RNF170: variants seen among roughly 807,000 people sequenced by gnomAD.
RNF170 encodes E3 ubiquitin-protein ligase RNF170.
RNF170 carries 12 observed loss-of-function variants against 32.7 expected under a neutral mutation model. The observed-to-expected ratio is 0.37, with a 90% confidence interval of 0.24 to 0.60. The LOEUF (loss-of-function observed/expected upper bound fraction) is 0.60. Ranked by LOEUF, RNF170 falls within the 20% of genes least tolerant of loss-of-function variation. The probability of loss-of-function intolerance (pLI) is 0.72; values close to 1 mark genes in which losing one functional copy is unlikely to be tolerated. For synonymous variants in RNF170, 91 were observed against 103.6 expected, an observed-to-expected ratio of 0.88 and a Z score of 0.74; for missense variants, 212 against 311.2, an observed-to-expected ratio of 0.68 and a Z score of 2.40.
rs567558026 is a variant in RNF170 at position 42,889,377 on chromosome 8, T to G, written c.-7-1506A>C. 13 of 152,204 alleles carry G rather than the reference T, an allele frequency of 8.5e-5. 1 individual carries two copies. In the South Asian group the frequency reaches 2.7e-3, roughly 32 times the overall value. The allele number at this position is 152,204 out of a possible 1,614,324, so 9.4% of individuals were successfully genotyped here. A position where few individuals can be genotyped will look rare whatever the true frequency, so the allele number is the denominator to read the frequency against. ...ATATCACAGGTAATTCACATTTTTT[T>G]CAGACAAAACAGGAAGTGTCAAAGT... On this transcript the variant is annotated intron_variant, in intron 1 of 6. Transcript: ENST00000527424.
At chr8:42,887,895 A>C in intron 1 of RNF170, 24 bp from the exon 2 acceptor site, 1 of 1,602,930 alleles carries the variant, frequency 6.2e-7, no homozygotes, top group Non-Finnish European at 8.5e-7. Context: ...AAACAAGATG[A>C]GAGTTACAAA....
Position 42,853,542 on chromosome 8 carries a change from C to A in RNF170, c.*2617G>T. The stretch of plus-strand genomic sequence containing the variant: ...GTTGTTTTCCCCGTCTTGTTCCCCA[C>A]AGAGCTGCCCAAGTTATTATCTGCT... On this transcript the variant is annotated 3_prime_UTR_variant, in exon 7 of 7. Coordinates refer to ENST00000527424, the MANE Select transcript of RNF170 (RefSeq NM_030954.4). 7.8e-7 allele frequency: 1 copy of A among 1,287,176 alleles called. No homozygotes were observed. Among genetic ancestry groups the A allele is most frequent in the Non-Finnish European group, 1.0e-6 (1 of 988,694 alleles). 79.7% of individuals were successfully genotyped at this position (1,287,176 alleles called of 1,614,324 possible). A position where few individuals can be genotyped will look rare whatever the true frequency, so the allele number is the denominator to read the frequency against.
At chr8:42,882,183 G>C (rs1805467601) in intron 2 of RNF170, among the ~76,000 whole-genome samples, 1 of 152,190 alleles carries the variant, frequency 6.6e-6, no homozygotes, top group Non-Finnish European at 1.5e-5. Context: ...GTGGGAAACA[G>C]TCTGGAGGTT....
intron 3 of RNF170, among the ~76,000 whole-genome samples, chr8:42,873,358 G>A (rs1230148131): frequency 6.7e-6 from 1 of 149,866 alleles, no homozygotes; most frequent in Non-Finnish European, 1.5e-5. Flanking sequence ...TTTTAATTTT[G>A]TTTCTTGATG....
At position 42,856,128 on chromosome 8, in the gene RNF170, T is replaced by C. The variant is rs757412499; in HGVS notation, c.*31A>G. On this transcript the variant is annotated 3_prime_UTR_variant, in exon 7 of 7. Transcript: ENST00000527424. ...GTTTGATGTTCTACATTAGCTCAGA[T>C]ATCCTAGTAAACTCAGTTTTGTTTT... is the stretch of plus-strand genomic sequence containing the variant. 5 of 1,610,786 alleles carry C rather than the reference T, an allele frequency of 3.1e-6. No homozygotes were observed. The highest frequency in any genetic ancestry group is 3.3e-5 in the Admixed American group (2 of 59,984).
At chr8:42,863,917 A>G (rs1803865531) in intron 5 of RNF170, among the ~76,000 whole-genome samples, 1 of 152,048 alleles carries the variant, frequency 6.6e-6, no homozygotes, top group Non-Finnish European at 1.5e-5. Flanking sequence ...TTGCACCAAA[A>G]TAAGAGGGCA....
intron 3 of RNF170, among the ~76,000 whole-genome samples, chr8:42,873,160 G>T (rs1804647847): frequency 6.6e-6 from 1 of 152,024 alleles, no homozygotes; most frequent in Non-Finnish European, 1.5e-5. Context: ...CTCCCAAAGT[G>T]CTGGGATTAC....
intron 1 of RNF170, among the ~76,000 whole-genome samples, chr8:42,893,439 A>G (rs192474014): frequency 1.8e-4 from 28 of 152,328 alleles, no homozygotes; most frequent in Admixed American, 1.6e-3. Flanking sequence ...TTCAGACAGC[A>G]AACAAGCACA....
chr8:42,860,979 A>G (rs1035782619), intron 6 of RNF170, among the ~76,000 whole-genome samples: 1 of 152,202 alleles, frequency 6.6e-6, no homozygotes, highest in African/African-American at 2.4e-5. Context: ...CGGCCTCCCA[A>G]AGTGCTGGGA....
chr8:42,855,057 TCACCTTCCTCAGAAATG>T lies in RNF170; in HGVS notation c.*1085_*1101del. The stretch of plus-strand genomic sequence containing the variant: ...GCTTGATGCTCAAAGACACGAAGAT[TCACCTTCCTCAGAAATG>T]CATCAGGCTACTCTGTGTTTGCAGC... On this transcript the variant is annotated 3_prime_UTR_variant, in exon 7 of 7. Transcript: ENST00000527424. The T allele has an allele frequency of 7.8e-7, 1 of 1,287,224 alleles. No individual in the cohort carries two copies. Among genetic ancestry groups the T allele is most frequent in the Non-Finnish European group, 1.0e-6 (1 of 988,684 alleles). 79.7% of individuals were successfully genotyped at this position (1,287,224 alleles called of 1,614,324 possible).
intron 2 of RNF170, among the ~76,000 whole-genome samples, chr8:42,874,853 G>T (rs893729083): frequency 6.6e-6 from 1 of 151,940 alleles, no homozygotes; most frequent in Non-Finnish European, 1.5e-5. Context: ...AATATAAATG[G>T]ATGGGATAAA....
intron 2 of RNF170, among the ~76,000 whole-genome samples, chr8:42,882,799 C>A (rs1805519570): frequency 2.0e-5 from 3 of 152,110 alleles, no homozygotes. Flanking sequence ...CAGTGGCTCA[C>A]ACCTGTAATC....
downstream of RNF170, among the ~76,000 whole-genome samples, chr8:42,853,092 C>T (rs528753159): frequency 7.4e-4 from 113 of 152,062 alleles, no homozygotes; most frequent in Middle Eastern, 3.4e-3. Context: ...TAACACTGCA[C>T]TCCAACCTGG....
chr8:42,856,504 ATATG>A (rs1431870086), intron 6 of RNF170, 76 bp from the exon 7 acceptor site: 2 of 1,026,616 alleles, frequency 1.9e-6, no homozygotes, highest in Non-Finnish European at 3.0e-6. Flanking sequence ...TTTTCTTACT[ATATG>A]TAAACATTGT....
At chr8:42,863,907 T>C (rs1301241659) in intron 5 of RNF170, among the ~76,000 whole-genome samples, 1 of 151,214 alleles carries the variant, frequency 6.6e-6, no homozygotes, top group African/African-American at 2.4e-5. Flanking sequence ...ACCTCCCTCT[T>C]TGCACCAAAA....
chr8:42,856,737 G>A (rs991290887), intron 6 of RNF170, among the ~76,000 whole-genome samples: 51 of 152,080 alleles, frequency 3.4e-4, no homozygotes, highest in African/African-American at 1.2e-3. Flanking sequence ...AGAACCTAGC[G>A]CGCAGGATTA....
intron 6 of RNF170, among the ~76,000 whole-genome samples, chr8:42,857,378 C>G (rs959604996): frequency 6.6e-5 from 10 of 152,196 alleles, no homozygotes; most frequent in Non-Finnish European, 2.9e-5. Context: ...ATATCTAAAG[C>G]AAAACAGCCT....
In RNF170 at chr8:42,865,496, GA is replaced by G. The variant is rs2128929839; in HGVS notation, c.323-8del. ...TAAGCAATAATGCAGGCACCTAATAGACAAAACAAAACAAACACATAACCCA... is the reference window on the plus strand; with the variant it reads ...TAAGCAATAATGCAGGCACCTAATAGCAAAACAAAACAAACACATAACCCA... On this transcript the variant is annotated splice_region_variant and splice_polypyrimidine_tract_variant and intron_variant, in intron 4 of 6. Transcript: ENST00000527424. 6.2e-7 allele frequency: 1 copy of G among 1,609,636 alleles called. No homozygotes were observed. The highest frequency in any genetic ancestry group is 8.5e-7 in the Non-Finnish European group (1 of 1,176,158).
upstream of RNF170, chr8:42,896,891 C>A: frequency 5.8e-6 from 2 of 346,518 alleles, no homozygotes; most frequent in Non-Finnish European, 5.2e-6. Context: ...GGCGGGGACG[C>A]GGGGCGGCGG....
Sources: gnomAD v4.1 joint callset for allele counts (sites outside exome capture counted in the v4.1 genomes callset) on GRCh38, gnomAD v4.1.1 for gene constraint, MANE v1.5 for transcripts, NCBI Gene and HGNC (gene_info 2026-07-23, HGNC 2026-07-21) for gene names.